Variants in KIRREL1 observed in about 807,000 individuals in gnomAD.
The protein encoded by KIRREL1 is kirre like nephrin family adhesion molecule 1, also known as kin of IRRE-like protein 1.
KIRREL1 carries 25 observed loss-of-function variants against 83.3 expected under a neutral mutation model. That is an observed-to-expected ratio of 0.30 (90% CI 0.22 to 0.42). The LOEUF (loss-of-function observed/expected upper bound fraction) is 0.42, where lower values mean the gene tolerates loss of function less well. Ranked by LOEUF, KIRREL1 falls within the 10% of genes least tolerant of loss-of-function variation. The pLI is 1.00. For missense variants in KIRREL1, 812 were observed against 1,032.3 expected, an observed-to-expected ratio of 0.79 and a Z score of 2.92; for synonymous variants, 388 against 410.4, an observed-to-expected ratio of 0.95 and a Z score of 0.66.
At chr1:157,997,615 C>A (rs1044085619) in intron 1 of KIRREL1, among the ~76,000 whole-genome samples, 1 of 152,088 alleles carries the variant, frequency 6.6e-6, no homozygotes, top group Admixed American at 6.5e-5. Context: ...CCTTGGAGAC[C>A]TCAGAAAAGA....
chr1:158,028,596 AG>A (rs11348050), intron 1 of KIRREL1, among the ~76,000 whole-genome samples: 125,410 of 151,834 alleles, frequency 0.83, 52,900 homozygotes, highest in Non-Finnish European at 0.91. Context: ...AAAGCCCAGG[AG>A]GCATTTTCCT....
intron 1 of KIRREL1, among the ~76,000 whole-genome samples, chr1:158,028,557 A>C (rs1251060509): frequency 1.3e-5 from 2 of 149,788 alleles, no homozygotes; most frequent in African/African-American, 4.9e-5. Flanking sequence ...TTTGCAAGGC[A>C]TAGGGGCCAT....
At chr1:158,069,758 A>G (rs1402897764) in intron 1 of KIRREL1, among the ~76,000 whole-genome samples, 3 of 152,174 alleles carry the variant, frequency 2.0e-5, no homozygotes, top group African/African-American at 7.2e-5. Flanking sequence ...GATACTTACC[A>G]GCTGTGTGAC....
chr1:158,051,731 T>G (rs964102647), intron 1 of KIRREL1, among the ~76,000 whole-genome samples: 7 of 152,208 alleles, frequency 4.6e-5, no homozygotes, highest in Non-Finnish European at 8.8e-5. Context: ...ATCTACAAGA[T>G]GAAGTTCATA....
Position 158,093,667 on chromosome 1 carries a change from A to T in KIRREL1, c.1624A>T (p.Thr542Ser). The T allele has an allele frequency of 1.2e-6, 2 of 1,614,170 alleles. No individual in the cohort carries two copies. The highest frequency in any genetic ancestry group is 1.7e-6 in the Non-Finnish European group (2 of 1,180,030). Residue 542 changes from threonine (T) to serine (S), a missense_variant, in exon 13 of 15, where the codon ACA becomes TCA. Thr to Ser is a moderately conservative substitution (Grantham distance 58). This residue lies in a region of KIRREL1 where 334 missense variants were observed against 383.7 expected (regional missense o/e 0.87). Transcript: ENST00000359209. ...GAGGAAGCTGGATATCAAGGTGGAGACAGTGAACCGAGAGCCACTTACGAT... is the reference window on the plus strand; with the variant it reads ...GAGGAAGCTGGATATCAAGGTGGAGTCAGTGAACCGAGAGCCACTTACGAT... ...TLRKLDIKVE[T>S]VNREPLTMHS...
At chr1:158,061,403 G>A (rs780816622) in intron 1 of KIRREL1, among the ~76,000 whole-genome samples, 1 of 152,158 alleles carries the variant, frequency 6.6e-6, no homozygotes, top group Non-Finnish European at 1.5e-5. Context: ...CTATTCCTTG[G>A]GGGTGGGCAA....
intron 3 of KIRREL1, among the ~76,000 whole-genome samples, chr1:158,083,042 T>C (rs1406526078): frequency 6.6e-6 from 1 of 152,166 alleles, no homozygotes; most frequent in African/African-American, 2.4e-5. Flanking sequence ...GGGCTAGACA[T>C]TGAAGTGTTG....
chr1:158,020,208 C>T (rs909609765), intron 1 of KIRREL1, among the ~76,000 whole-genome samples: 2 of 152,020 alleles, frequency 1.3e-5, no homozygotes, highest in Admixed American at 1.3e-4. Flanking sequence ...TCATCACCTC[C>T]GGGAAGATGA....
chr1:158,001,375 AT>A (rs1659355903), intron 1 of KIRREL1, among the ~76,000 whole-genome samples: 1 of 152,184 alleles, frequency 6.6e-6, no homozygotes, highest in Non-Finnish European at 1.5e-5. Flanking sequence ...CAGGAGAATT[AT>A]TTTTTTAATC....
intron 1 of KIRREL1, among the ~76,000 whole-genome samples, chr1:158,008,421 C>A (rs994492985): frequency 6.6e-6 from 1 of 152,134 alleles, no homozygotes; most frequent in African/African-American, 2.4e-5. Flanking sequence ...CCTAGGGGTA[C>A]AGCAGGAGAT....
intron 8 of KIRREL1, 179 bp from the exon 9 acceptor site, chr1:158,089,323 G>C: frequency 4.7e-6 from 4 of 844,544 alleles, no homozygotes; most frequent in Middle Eastern, 3.5e-4. Flanking sequence ...GTGTGTTTAC[G>C]TGCCAACCTG....
chr1:158,005,449 C>T (rs1659490550), intron 1 of KIRREL1, among the ~76,000 whole-genome samples: 1 of 152,162 alleles, frequency 6.6e-6, no homozygotes. Flanking sequence ...CCCCACCCTG[C>T]CAAGTCTTCA....
chr1:158,091,684 A>G, intron 11 of KIRREL1, 128 bp downstream of exon 11: 2 of 855,984 alleles, frequency 2.3e-6, no homozygotes, highest in Non-Finnish European at 3.7e-6. Flanking sequence ...GGGGACACAC[A>G]GAGGGATGTC....
intron 1 of KIRREL1, among the ~76,000 whole-genome samples, chr1:158,048,356 G>A (rs1016225551): frequency 2.6e-5 from 4 of 152,246 alleles, no homozygotes; most frequent in African/African-American, 9.6e-5. Flanking sequence ...GTTGCTCCAG[G>A]TTGAGTAGCA....
intron 1 of KIRREL1, among the ~76,000 whole-genome samples, chr1:158,073,575 A>G (rs10796996): frequency 0.45 from 68,897 of 152,036 alleles, 16,063 homozygotes; most frequent in East Asian, 0.71. Flanking sequence ...ACTGGGTGAG[A>G]AAGCCACACA....
intron 1 of KIRREL1, among the ~76,000 whole-genome samples, chr1:158,017,044 A>T (rs1659843997): frequency 6.6e-6 from 1 of 152,224 alleles, no homozygotes; most frequent in African/African-American, 2.4e-5. Context: ...GTTCAACCCC[A>T]CATTCACGGA....
At chr1:158,037,179 T>G (rs1570936915) in intron 1 of KIRREL1, among the ~76,000 whole-genome samples, 1 of 152,180 alleles carries the variant, frequency 6.6e-6, no homozygotes, top group Non-Finnish European at 1.5e-5. Flanking sequence ...GCCTAGTTGC[T>G]TCATCCCTCT....
intron 8 of KIRREL1, among the ~76,000 whole-genome samples, chr1:158,089,295 C>T (rs985595340): frequency 6.6e-5 from 10 of 152,222 alleles, no homozygotes; most frequent in Non-Finnish European, 1.5e-4. Flanking sequence ...CCCATCCCTG[C>T]CCACACCTGC....
rs1386881590 is a variant in KIRREL1 at position 158,084,598 on chromosome 1, C to G, written c.510+19C>G. The G allele has an allele frequency of 2.6e-6, 4 of 1,550,166 alleles. No homozygotes were observed. Among genetic ancestry groups the G allele is most frequent in the Non-Finnish European group, 3.5e-6 (4 of 1,146,082 alleles). On this transcript the variant is annotated intron_variant, in intron 4 of 14. Coordinates refer to ENST00000359209, the MANE Select transcript of KIRREL1 (RefSeq NM_018240.7). ...CAGCACGGTGAGCTCCAGCCAGCTCCCCCAGCTCCTCCTGGGCCTAGCCCA... is the reference window on the plus strand; with the variant it reads ...CAGCACGGTGAGCTCCAGCCAGCTCGCCCAGCTCCTCCTGGGCCTAGCCCA...
Sources: allele counts gnomAD v4.1 joint callset (sites outside exome capture counted in the v4.1 genomes callset), GRCh38; gene constraint gnomAD v4.1.1; regional missense constraint gnomAD v4.1.1; transcripts MANE v1.5; gene names NCBI Gene and HGNC (gene_info 2026-07-23, HGNC 2026-07-21).